The following GOSR2 variants were observed in gnomAD, a reference collection of about 807,000 sequenced individuals.
GOSR2 encodes 27 kDa Golgi SNARE protein.
A neutral mutation model predicts 27.9 loss-of-function variants in GOSR2; 20 were observed. That is an observed-to-expected ratio of 0.72 (90% CI 0.50 to 1.04). The LOEUF is 1.04. Among genes scored for constraint, GOSR2 ranks in the 50% least tolerant of loss-of-function variants. GOSR2 has a pLI of 0.00. For missense variants in GOSR2, 261 were observed against 270.5 expected (o/e 0.97, Z 0.25); for synonymous variants, 91 against 98.8 (o/e 0.92, Z 0.47).
chr17:46,947,726 A>G (rs1273775803), intron 6 of GOSR2, among the ~76,000 whole-genome samples: 2 of 152,222 alleles, frequency 1.3e-5, no homozygotes, highest in African/African-American at 4.8e-5. Context: ...CTCAAGTGGT[A>G]GCAAAAGTGC....
chr17:46,961,891 A>G (rs1308358994), intron 6 of GOSR2, among the ~76,000 whole-genome samples: 2 of 152,212 alleles, frequency 1.3e-5, no homozygotes, highest in Non-Finnish European at 2.9e-5. Context: ...CATGACTGCT[A>G]CCCTAGGGGA....
At position 46,936,965 on chromosome 17, in the gene GOSR2, TAA is replaced by T. The variant is rs78020254; in HGVS notation, c.478-1620_478-1619del. On this transcript the variant is annotated intron_variant, in intron 5 of 5. Transcript: ENST00000640051. Reference sequence around the variant, plus strand: ...CAGTTGCTCATTAATGTGTATTTATTAAAAAAAAAAAAAAAGGATATGGGGCA... The same window carrying T: ...CAGTTGCTCATTAATGTGTATTTATTAAAAAAAAAAAAAGGATATGGGGCA... 1,211 of 195,736 alleles carry T rather than the reference TAA, an allele frequency of 6.2e-3. 1 individual carries two copies. The highest frequency in any genetic ancestry group is 0.01 in the African/African-American group (409 of 39,208). 12.1% of individuals were successfully genotyped at this position (195,736 alleles called of 1,614,324 possible).
At chr17:46,953,823 T>G (rs974234577) in intron 6 of GOSR2, among the ~76,000 whole-genome samples, 13 of 152,388 alleles carry the variant, frequency 8.5e-5, no homozygotes, top group African/African-American at 3.1e-4. Flanking sequence ...GTTTCTTGGC[T>G]GCATAAATGT....
chr17:46,946,853 ACT>A (rs764698820), downstream of GOSR2, among the ~76,000 whole-genome samples: 8 of 152,130 alleles, frequency 5.3e-5, 1 homozygote, highest in East Asian at 9.7e-4. Flanking sequence ...ACGAAATGAG[ACT>A]CTGTTTCAAT....
At chr17:46,963,543 CAAAA>C (rs34316777) in intron 6 of GOSR2, among the ~76,000 whole-genome samples, 8 of 137,712 alleles carry the variant, frequency 5.8e-5, no homozygotes, top group Admixed American at 7.2e-5. Context: ...GGCTCGGTCT[CAAAA>C]AAAAAAAAAA....
At chr17:46,970,815 C>G (rs1243073582), downstream of GOSR2, among the ~76,000 whole-genome samples, 1 of 152,210 alleles carries the variant, frequency 6.6e-6, no homozygotes, top group Non-Finnish European at 1.5e-5. Context: ...CTGACATGAA[C>G]CTTTGTCATC....
In GOSR2 at chr17:46,938,831, G is replaced by A; in HGVS notation, c.*71G>A. On this transcript the variant is annotated 3_prime_UTR_variant, in exon 6 of 6. Coordinates refer to ENST00000640051, the MANE Select transcript of GOSR2 (RefSeq NM_004287.5). ...TGTGTGTGTGTGTGAAAGAGAGAGG[G>A]GGGCCCAGAGGCCGCCTTTTGAAAT... The A allele has an allele frequency of 6.2e-7, 1 of 1,609,246 alleles. No homozygotes were observed. Among genetic ancestry groups the A allele is most frequent in the South Asian group, 1.1e-5 (1 of 90,586 alleles).
chr17:46,974,502 A>T (rs891845466), intron 6 of GOSR2, among the ~76,000 whole-genome samples: 1 of 152,190 alleles, frequency 6.6e-6, no homozygotes, highest in Non-Finnish European at 1.5e-5. Context: ...TGGGAGGCCG[A>T]GGCGGGTGGA....
At chr17:46,949,511 C>T (rs1283480224) in intron 6 of GOSR2, among the ~76,000 whole-genome samples, 1 of 152,164 alleles carries the variant, frequency 6.6e-6, no homozygotes, top group East Asian at 1.9e-4. Context: ...ATGTGGGTCA[C>T]ATTCTAAGAA....
intron 6 of GOSR2, among the ~76,000 whole-genome samples, chr17:46,960,641 A>G (rs2090999053): frequency 6.6e-6 from 1 of 152,254 alleles, no homozygotes; most frequent in Admixed American, 6.5e-5. Context: ...AAATTTAAAA[A>G]CCTGTGATAC....
At chr17:46,952,850 C>T (rs1394278412) in intron 6 of GOSR2, 5 of 151,994 alleles carry the variant, frequency 3.3e-5, no homozygotes, top group Admixed American at 2.6e-4. Context: ...CACTGGATCT[C>T]CATCTCTTTC....
chr17:46,929,842 C>A (rs972745884), intron 2 of GOSR2: 11 of 475,400 alleles, frequency 2.3e-5, no homozygotes, highest in South Asian at 9.1e-5. Context: ...CGCTTGCCTC[C>A]ATCTATCTTA....
chr17:46,935,881 TG>T, intron 5 of GOSR2: 1 of 985,926 alleles, frequency 1.0e-6, no homozygotes, highest in Non-Finnish European at 1.2e-6. Flanking sequence ...TAATAGGGCG[TG>T]GGTTCTGTCT....
At chr17:46,955,092 C>A (rs2147260864) in intron 6 of GOSR2, among the ~76,000 whole-genome samples, 1 of 152,124 alleles carries the variant, frequency 6.6e-6, no homozygotes, top group East Asian at 1.9e-4. Context: ...CTGTCTTGTG[C>A]CAGTTTTCAA....
chr17:46,931,475 G>A (rs1164025899), intron 3 of GOSR2: 3 of 515,658 alleles, frequency 5.8e-6, no homozygotes, highest in Non-Finnish European at 1.0e-5. Context: ...TCTGTTTTTT[G>A]ACTAGATCCA....
intron 1 of GOSR2, among the ~76,000 whole-genome samples, chr17:46,925,303 C>T (rs2086325344): frequency 6.6e-6 from 1 of 152,166 alleles, no homozygotes; most frequent in Admixed American, 6.5e-5. Context: ...CCAGCTTTGC[C>T]CCACAACTAT....
intron 6 of GOSR2, chr17:46,949,108 A>T (rs551023663): frequency 6.6e-6 from 1 of 152,358 alleles, no homozygotes; most frequent in South Asian, 2.1e-4. Flanking sequence ...TGAGCATAAG[A>T]ACTGGGGACC....
intron 5 of GOSR2, chr17:46,936,133 G>A (rs1776702250): frequency 1.0e-6 from 1 of 985,864 alleles, no homozygotes; most frequent in East Asian, 1.1e-4. Flanking sequence ...TGGCCTGGAA[G>A]GGTGGTCTCC....
At chr17:46,945,906 T>C (rs2089815672), downstream of GOSR2, among the ~76,000 whole-genome samples, 1 of 152,230 alleles carries the variant, frequency 6.6e-6, no homozygotes, top group Non-Finnish European at 1.5e-5. Context: ...TTATTGTTGC[T>C]ATGTGCATGG....
Sources: gnomAD v4.1 joint callset for allele counts (sites outside exome capture counted in the v4.1 genomes callset) on GRCh38, gnomAD v4.1.1 for gene constraint, MANE v1.5 for transcripts, NCBI Gene and HGNC (gene_info 2026-07-23, HGNC 2026-07-21) for gene names.